The following FYTTD1 variants were observed in gnomAD, a reference collection of about 807,000 sequenced individuals.
FYTTD1 encodes the protein UAP56-interacting factor.
A neutral mutation model predicts 40.9 loss-of-function variants in FYTTD1; 22 were observed. That is an observed-to-expected ratio of 0.54 (90% CI 0.38 to 0.77). FYTTD1 has a LOEUF of 0.77. Ranked by LOEUF, FYTTD1 falls within the 30% of genes least tolerant of loss-of-function variation. The probability of loss-of-function intolerance (pLI) is 0.00; values close to 1 mark genes in which losing one functional copy is unlikely to be tolerated. For synonymous variants in FYTTD1, 140 were observed against 137.9 expected (o/e 1.01, Z -0.10); for missense variants, 351 against 392.2 (o/e 0.90, Z 0.89).
intron 2 of FYTTD1, among the ~76,000 whole-genome samples, chr3:197,761,778 CT>C (rs909278044): frequency 2.6e-5 from 4 of 152,180 alleles, no homozygotes; most frequent in African/African-American, 4.8e-5. Context: ...GTACAGTAGC[CT>C]TTTCCAGAGT....
chr3:197,766,752 G>C (rs1553909152), intron 2 of FYTTD1, among the ~76,000 whole-genome samples: 1 of 152,026 alleles, frequency 6.6e-6, no homozygotes, highest in Non-Finnish European at 1.5e-5. Flanking sequence ...CTGCAGTACA[G>C]GATTAGTGTA....
At chr3:197,766,213 C>CT (rs139737909) in intron 2 of FYTTD1, among the ~76,000 whole-genome samples, 9,614 of 151,510 alleles carry the variant, frequency 0.063, 643 homozygotes, top group African/African-American at 0.17. Flanking sequence ...AGCATTTCAC[C>CT]TTCTAGAAAC....
chr3:197,749,949 CTCTCGGCGCGACG>C lies in FYTTD1; in HGVS notation c.-18_-6del, dbSNP rs779027689. The C allele has an allele frequency of 6.6e-7, 1 of 1,524,684 alleles. No individual in the cohort carries two copies. Among genetic ancestry groups the C allele is most frequent in the Non-Finnish European group, 8.9e-7 (1 of 1,125,742 alleles). 94.4% of individuals were successfully genotyped at this position (1,524,684 alleles called of 1,614,324 possible). The stretch of plus-strand genomic sequence containing the variant: ...GCGACTCCGGCCTTGTCCGCGCCCG[CTCTCGGCGCGACG>C]TCTCCAGCCATGAACCGGTTTGGTA... On this transcript the variant is annotated 5_prime_UTR_variant, in exon 1 of 9. Transcript: ENST00000241502.
At chr3:197,779,463 A>C (rs76566381) in intron 8 of FYTTD1, among the ~76,000 whole-genome samples, 1,819 of 150,830 alleles carry the variant, frequency 0.012, 28 homozygotes, top group African/African-American at 0.04. Flanking sequence ...TAACCATATT[A>C]AGCTTGTATC....
intron 6 of FYTTD1, 52 bp from the exon 7 acceptor site, chr3:197,776,875 A>C: frequency 8.5e-7 from 1 of 1,175,286 alleles, no homozygotes; most frequent in Non-Finnish European, 1.3e-6. Flanking sequence ...GAATATACAT[A>C]GGGTTTATCA....
chr3:197,768,401 T>G (rs765429666), intron 2 of FYTTD1, 38 bp from the exon 3 acceptor site: 1 of 1,492,516 alleles, frequency 6.7e-7, no homozygotes, highest in South Asian at 1.3e-5. Context: ...AATTGAATTG[T>G]TAAATTGACA....
At chr3:197,776,380 A>ATTTTTTTTT (rs199559563) in intron 6 of FYTTD1, among the ~76,000 whole-genome samples, 4 of 117,532 alleles carry the variant, frequency 3.4e-5, no homozygotes, top group Non-Finnish European at 5.5e-5. Flanking sequence ...CCCAGCTTAA[A>ATTTTTTTTT]TTTGTTTTTT....
At chr3:197,752,518 ATGTC>A (rs1280814494) in intron 1 of FYTTD1, among the ~76,000 whole-genome samples, 5 of 152,004 alleles carry the variant, frequency 3.3e-5, no homozygotes, top group African/African-American at 1.2e-4. Context: ...TATATGTAGT[ATGTC>A]TGTATATATG....
intron 8 of FYTTD1, among the ~76,000 whole-genome samples, chr3:197,779,014 A>C (rs557365897): frequency 6.6e-6 from 1 of 152,198 alleles, no homozygotes; most frequent in Non-Finnish European, 1.5e-5. Context: ...TCCCACCAGC[A>C]TCTATGAGGG....
chr3:197,787,163 A>AGT lies in FYTTD1; in HGVS notation c.*5256_*5257dup, dbSNP rs1398763276. The AGT allele has an allele frequency of 8.2e-6, 1 of 122,640 alleles. No homozygotes were observed. The highest frequency in any genetic ancestry group is 3.2e-5 in the African/African-American group (1 of 31,478). The allele number at this position is 122,640 out of a possible 1,614,324, so 7.6% of individuals were successfully genotyped here. On this transcript the variant is annotated 3_prime_UTR_variant, in exon 9 of 9. Coordinates refer to ENST00000241502, the MANE Select transcript of FYTTD1 (RefSeq NM_032288.7). ...AGTCTTGCTCTGTTGCCCAGGCTGGAGTGCAGTAGTGATCTTGGCTCACTG... is the reference window on the plus strand; with the variant it reads ...AGTCTTGCTCTGTTGCCCAGGCTGGAGTGTGCAGTAGTGATCTTGGCTCACTG...
At chr3:197,760,139 T>C (rs371385854) in intron 2 of FYTTD1, among the ~76,000 whole-genome samples, 2 of 152,204 alleles carry the variant, frequency 1.3e-5, no homozygotes, top group South Asian at 2.1e-4. Context: ...GTAGAACTTA[T>C]AGAGTGTTCC....
chr3:197,750,789 G>A (rs1237416226), intron 1 of FYTTD1: 4 of 985,444 alleles, frequency 4.1e-6, no homozygotes, highest in Non-Finnish European at 4.8e-6. Flanking sequence ...ATCTTTGAAG[G>A]AGAGATGATT....
At chr3:197,775,251 T>C (rs973393730) in intron 6 of FYTTD1, among the ~76,000 whole-genome samples, 1 of 152,248 alleles carries the variant, frequency 6.6e-6, no homozygotes, top group African/African-American at 2.4e-5. Context: ...TGAAAACCTA[T>C]TTTATCCTGT....
intron 1 of FYTTD1, chr3:197,750,408 G>C: frequency 2.9e-6 from 3 of 1,051,294 alleles, no homozygotes; most frequent in Non-Finnish European, 3.4e-6. Context: ...CCGCTCGCCG[G>C]CTCTTTGTGA....
At position 197,783,199 on chromosome 3, in the gene FYTTD1, A is replaced by C. The variant is rs1176233435; in HGVS notation, c.*1290A>C. 1 of 152,680 alleles carries C rather than the reference A, an allele frequency of 6.5e-6. No individual in the cohort carries two copies. Among genetic ancestry groups the C allele is most frequent in the Non-Finnish European group, 1.5e-5 (1 of 68,044 alleles). 9.5% of individuals were successfully genotyped at this position (152,680 alleles called of 1,614,324 possible). ...GATGTTGTATACTGTAAATTACAGT[A>C]TAATGCCAAATGCAGCAAAATCTTC... is the stretch of plus-strand genomic sequence containing the variant. On this transcript the variant is annotated 3_prime_UTR_variant, in exon 9 of 9. Coordinates refer to ENST00000241502, the MANE Select transcript of FYTTD1 (RefSeq NM_032288.7).
At position 197,773,273 on chromosome 3, in the gene FYTTD1, T is replaced by TAGG. The variant is rs1411042108; in HGVS notation, c.498-129_498-128insGGA. 9.9e-6 allele frequency: 6 copies of TAGG among 606,802 alleles called. No homozygotes were observed. In the East Asian group the frequency reaches 1.4e-4, roughly 14 times the overall value. The allele number at this position is 606,802 out of a possible 1,614,324, so 37.6% of individuals were successfully genotyped here. On this transcript the variant is annotated intron_variant, in intron 4 of 8. Coordinates refer to ENST00000241502, the MANE Select transcript of FYTTD1 (RefSeq NM_032288.7). ...CAGTAGCTTCATGTTAATAAGCAAA[T>TAGG]AATTCAGAGTTGTTTGTTTCTTGCA... is the stretch of plus-strand genomic sequence containing the variant.
intron 2 of FYTTD1, 120 bp downstream of exon 2, chr3:197,756,677 C>T (rs1729224998): frequency 3.2e-6 from 3 of 939,766 alleles, no homozygotes; most frequent in South Asian, 1.6e-5. Context: ...TGTGTTTCCT[C>T]TATGCCTAGG....
intron 2 of FYTTD1, among the ~76,000 whole-genome samples, chr3:197,762,560 C>A (rs907599032): frequency 2.8e-5 from 4 of 141,340 alleles, no homozygotes; most frequent in African/African-American, 8.0e-5. Context: ...CTGCACTCCA[C>A]CCTGGGTGAC....
rs1730039418 is a variant in FYTTD1 at position 197,781,936 on chromosome 3, G to A, written c.*27G>A. ...TCCCATGTCAAAGGAACTTTTGAGTGATGACTCTGAGAAGTTGAATTGCTT... is the reference window on the plus strand; with the variant it reads ...TCCCATGTCAAAGGAACTTTTGAGTAATGACTCTGAGAAGTTGAATTGCTT... On this transcript the variant is annotated 3_prime_UTR_variant, in exon 9 of 9. Coordinates refer to ENST00000241502, the MANE Select transcript of FYTTD1 (RefSeq NM_032288.7). The A allele has an allele frequency of 1.4e-6, 2 of 1,424,694 alleles. No homozygotes were observed. The highest frequency in any genetic ancestry group is 1.9e-6 in the Non-Finnish European group (2 of 1,034,030). The allele number at this position is 1,424,694 out of a possible 1,614,324, so 88.3% of individuals were successfully genotyped here.
Sources: allele counts gnomAD v4.1 joint callset (sites outside exome capture counted in the v4.1 genomes callset), GRCh38; gene constraint gnomAD v4.1.1; transcripts MANE v1.5; gene names NCBI Gene and HGNC (gene_info 2026-07-23, HGNC 2026-07-21).